The following PRDM2 variants were observed in gnomAD, a reference collection of about 807,000 sequenced individuals.
PRDM2 encodes the protein PR/SET domain 2, also known as PR domain zinc finger protein 2.
In PRDM2, 30 loss-of-function variants were observed where a neutral mutation model predicts 130.0. The observed-to-expected ratio is 0.23, with a 90% CI of 0.17 to 0.31. The LOEUF (loss-of-function observed/expected upper bound fraction) is 0.31. Ranked by LOEUF, PRDM2 falls within the 10% of genes least tolerant of loss-of-function variation. The pLI is 1.00. For missense variants in PRDM2, 2,011 were observed against 2,108.4 expected (o/e 0.95, Z 0.90); for synonymous variants, 871 against 782.4 (o/e 1.11, Z -1.89).
At chr1:13,772,150 G>A (rs1163779340) in intron 6 of PRDM2, 1 of 152,094 alleles carries the variant, frequency 6.6e-6, no homozygotes, top group African/African-American at 2.4e-5. Flanking sequence ...GGATTGTTAC[G>A]GAAGAATGGG....
At chr1:13,715,424 G>T in intron 1 of PRDM2, 117 bp from the exon 2 acceptor site, 1 of 418,584 alleles carries the variant, frequency 2.4e-6, no homozygotes, top group Non-Finnish European at 4.4e-6. Context: ...AGTTGATTTG[G>T]CATAGAGTTG....
chr1:13,809,819 A>G (rs1645142436), intron 8 of PRDM2, among the ~76,000 whole-genome samples: 1 of 152,222 alleles, frequency 6.6e-6, no homozygotes, highest in African/African-American at 2.4e-5. Context: ...CTGCCATAAC[A>G]GAATACCATG....
intron 4 of PRDM2, among the ~76,000 whole-genome samples, chr1:13,740,943 G>A (rs1033314999): frequency 1.2e-3 from 184 of 152,268 alleles, no homozygotes; most frequent in African/African-American, 4.1e-3. Flanking sequence ...ATGTGGGTAC[G>A]GGAGGGAAGA....
Position 13,823,279 on chromosome 1 carries a change from A to G in PRDM2, c.*144A>G. On this transcript the variant is annotated 3_prime_UTR_variant, in exon 10 of 10. Transcript: ENST00000311066. ...AAAGGGAGTGCATGTGCGCGCGTGC[A>G]TGTGTGCGTGCGTGTGTGTTCACGT... 2.1e-6 allele frequency: 3 copies of G among 1,395,912 alleles called. No homozygotes were observed. Among genetic ancestry groups the G allele is most frequent in the Non-Finnish European group, 3.0e-6 (3 of 992,610 alleles). 86.5% of individuals were successfully genotyped at this position (1,395,912 alleles called of 1,614,324 possible).
rs962367088 is a variant in PRDM2 at position 13,819,786 on chromosome 1, G to A, written c.*23+3216G>A. Among the ~76,000 whole-genome samples the A allele has an allele frequency of 3.3e-5, 5 of 152,274 alleles. No homozygotes were observed. In the East Asian group the frequency reaches 9.6e-4, roughly 29 times the overall value. On this transcript the variant is annotated intron_variant, in intron 9 of 9. Transcript: ENST00000311066. Reference sequence around the variant, plus strand: ...ATTGCTGTGTCCTCACGTGGCGGGGGCCTGGGGGAGAGCAAGCTCTCTGGT... The same window carrying A: ...ATTGCTGTGTCCTCACGTGGCGGGGACCTGGGGGAGAGCAAGCTCTCTGGT...
chr1:13,788,612 A>G (rs1263069554), intron 8 of PRDM2, among the ~76,000 whole-genome samples: 1 of 152,200 alleles, frequency 6.6e-6, no homozygotes, highest in Non-Finnish European at 1.5e-5. Flanking sequence ...CCTTGGCCAG[A>G]TGTTCTGGCA....
At chr1:13,761,942 C>T (rs1427997980) in intron 6 of PRDM2, among the ~76,000 whole-genome samples, 2 of 152,044 alleles carry the variant, frequency 1.3e-5, no homozygotes, top group South Asian at 2.1e-4. Flanking sequence ...TGTGAATCAG[C>T]GGAGAACAAA....
intron 5 of PRDM2, among the ~76,000 whole-genome samples, chr1:13,748,592 G>A (rs1395933366): frequency 6.6e-6 from 1 of 152,204 alleles, no homozygotes; most frequent in East Asian, 1.9e-4. Context: ...AAATTCTAGG[G>A]GTGTGAACTT....
In PRDM2 at chr1:13,742,427, G is replaced by T. The variant is rs1643475088; in HGVS notation, c.384+270G>T. ...ATGTTACCCAGGCTGGTCTCAAACT[G>T]CTGGGCTCAAGCGATCTACCTGCCT... is the stretch of plus-strand genomic sequence containing the variant. On this transcript the variant is annotated intron_variant, in intron 5 of 9. Coordinates refer to ENST00000311066, the MANE Select transcript of PRDM2 (RefSeq NM_001393986.1). 3.3e-5 allele frequency among the ~76,000 whole-genome samples: 5 copies of T among 152,126 alleles called. No homozygotes were observed. The South Asian group carries it at 1.0e-3, about 31-fold the overall frequency.
At chr1:13,776,357 C>G (rs921781685) in intron 7 of PRDM2, among the ~76,000 whole-genome samples, 1 of 152,130 alleles carries the variant, frequency 6.6e-6, no homozygotes, top group South Asian at 2.1e-4. Context: ...TCTTAACTCT[C>G]CTAGTGCCTG....
chr1:13,734,728 A>C (rs1643214654), intron 4 of PRDM2, among the ~76,000 whole-genome samples: 1 of 152,174 alleles, frequency 6.6e-6, no homozygotes. Flanking sequence ...GTTCTTATCA[A>C]GGGTGCCTTT....
chr1:13,778,019 A>G (rs1176412210), intron 7 of PRDM2, among the ~76,000 whole-genome samples: 3 of 152,180 alleles, frequency 2.0e-5, no homozygotes, highest in African/African-American at 7.2e-5. Context: ...GAATCATGAG[A>G]AATTAGAATT....
At chr1:13,807,777 T>A (rs1645107978) in intron 8 of PRDM2, among the ~76,000 whole-genome samples, 1 of 152,228 alleles carries the variant, frequency 6.6e-6, no homozygotes, top group Non-Finnish European at 1.5e-5. Context: ...TTCTATTGTA[T>A]AGATAATGCC....
intron 8 of PRDM2, among the ~76,000 whole-genome samples, chr1:13,794,303 ACTG>A (rs774658726): frequency 5.9e-5 from 9 of 152,198 alleles, no homozygotes; most frequent in Admixed American, 2.0e-4. Flanking sequence ...GCTGTGCTTT[ACTG>A]TTCAAGACCC....
At chr1:13,750,333 C>T (rs1467604844) in intron 6 of PRDM2, among the ~76,000 whole-genome samples, 1 of 151,082 alleles carries the variant, frequency 6.6e-6, no homozygotes, top group East Asian at 1.9e-4. Flanking sequence ...TATGCCAAGG[C>T]ACAGTATGGT....
chr1:13,754,566 A>T (rs1444711345), intron 6 of PRDM2, among the ~76,000 whole-genome samples: 1 of 152,252 alleles, frequency 6.6e-6, no homozygotes, highest in African/African-American at 2.4e-5. Flanking sequence ...AAGTGACAGC[A>T]TTGGTTCCAT....
intron 2 of PRDM2, among the ~76,000 whole-genome samples, chr1:13,723,957 G>A (rs1441791108): frequency 3.9e-5 from 6 of 152,242 alleles, no homozygotes; most frequent in Admixed American, 6.5e-5. Flanking sequence ...GATTAACCAA[G>A]CCAACCAGGA....
intron 6 of PRDM2, among the ~76,000 whole-genome samples, chr1:13,761,691 C>A (rs947020879): frequency 1.3e-5 from 2 of 152,034 alleles, no homozygotes; most frequent in Middle Eastern, 3.2e-3. Flanking sequence ...AGTCTCCTCT[C>A]CGAAAGATTA....
intron 9 of PRDM2, among the ~76,000 whole-genome samples, chr1:13,817,689 G>A (rs1645279168): frequency 6.6e-6 from 1 of 151,758 alleles, no homozygotes; most frequent in Non-Finnish European, 1.5e-5. Flanking sequence ...TACGAATAGG[G>A]CCAAACCCCA....
Sources: gnomAD v4.1 joint callset for allele counts (sites outside exome capture counted in the v4.1 genomes callset) on GRCh38, gnomAD v4.1.1 for gene constraint, MANE v1.5 for transcripts, NCBI Gene and HGNC (gene_info 2026-07-23, HGNC 2026-07-21) for gene names.